The following FGD5 variants were observed in gnomAD, a reference collection of about 807,000 sequenced individuals.
FGD5 encodes the protein FYVE, RhoGEF and PH domain-containing protein 5.
In FGD5, 28 loss-of-function variants were observed where a neutral mutation model predicts 133.4. The ratio of observed to expected loss-of-function variants is 0.21; its 90% CI spans 0.16 to 0.29. The LOEUF (loss-of-function observed/expected upper bound fraction) is 0.29. FGD5 is among the 10% of genes least tolerant of loss of function. The pLI is 1.00. For missense variants in FGD5, 1,858 were observed against 1,895.2 expected (o/e 0.98, Z 0.36); for synonymous variants, 810 against 776.5 (o/e 1.04, Z -0.72).
At chr3:14,844,217 A>AAAAT (rs1559477363) in intron 1 of FGD5, among the ~76,000 whole-genome samples, 11 of 20,376 alleles carry the variant, frequency 5.4e-4, no homozygotes, top group African/African-American at 1.2e-3. Context: ...AAAAAAAAAA[A>AAAAT]ATATATATAT....
chr3:14,833,313 C>T lies in FGD5; in HGVS notation c.2525+11717C>T, dbSNP rs191531543. Among the ~76,000 whole-genome samples, 422 of 152,224 alleles carry T rather than the reference C, an allele frequency of 2.8e-3. 5 individuals carry two copies. The highest frequency in any genetic ancestry group is 1.6e-3 in the Non-Finnish European group (108 of 68,020). On this transcript the variant is annotated intron_variant, in intron 1 of 19. Coordinates refer to ENST00000285046, the MANE Select transcript of FGD5 (RefSeq NM_152536.4). ...CTGCATGCACAGGGTTGGGTTAGAG[C>T]CCTGGATAGGGCCCAAAATCTCCAG...
intron 1 of FGD5, among the ~76,000 whole-genome samples, chr3:14,840,421 A>G (rs2036898985): frequency 6.6e-6 from 1 of 152,192 alleles, no homozygotes; most frequent in Non-Finnish European, 1.5e-5. Flanking sequence ...CTGGGATTAC[A>G]AGCATGAGCC....
intron 1 of FGD5, among the ~76,000 whole-genome samples, chr3:14,836,096 G>A (rs563283484): frequency 6.6e-6 from 1 of 152,354 alleles, no homozygotes; most frequent in South Asian, 2.1e-4. Flanking sequence ...CTGCTGTGAA[G>A]CCTCCATGCC....
intron 6 of FGD5, 98 bp downstream of exon 6, chr3:14,898,193 G>C: frequency 6.7e-7 from 1 of 1,502,288 alleles, no homozygotes; most frequent in Admixed American, 1.7e-5. Flanking sequence ...TGGTAGGTGT[G>C]GGGCTGGGGA....
chr3:14,918,714 C>G (rs749570337), intron 12 of FGD5, 40 bp from the exon 13 acceptor site: 1 of 1,587,434 alleles, frequency 6.3e-7, no homozygotes, highest in Admixed American at 1.7e-5. Flanking sequence ...ACTTGCCCCT[C>G]CCTGCCCCAC....
chr3:14,864,559 A>G (rs2037458561), intron 2 of FGD5, among the ~76,000 whole-genome samples: 1 of 152,166 alleles, frequency 6.6e-6, no homozygotes, highest in Non-Finnish European at 1.5e-5. Flanking sequence ...TTGAATGAAG[A>G]CCAGCCTAGC....
chr3:14,838,560 C>T (rs1276818722), intron 1 of FGD5, among the ~76,000 whole-genome samples: 3 of 152,126 alleles, frequency 2.0e-5, no homozygotes, highest in Non-Finnish European at 4.4e-5. Flanking sequence ...CCCAAGGTCC[C>T]CAGAGGTCTC....
In FGD5 at chr3:14,819,358, C is replaced by T. The variant is rs1313217341; in HGVS notation, c.287C>T (p.Ala96Val). Residue 96 changes from alanine (A) to valine (V), a missense_variant, in exon 1 of 20, where the codon GCG becomes GTG. By Grantham distance (64) the Ala-to-Val change is moderately conservative. Around this residue, in one of 3 missense-constraint regions of FGD5, gnomAD observed 1,824 missense variants for 1,848.9 expected, o/e 0.99. Transcript: ENST00000285046. This position sits in a 1 kb window ranked among gnomAD's most constrained non-coding sequence, Gnocchi z 4.1. ...GCCCTGGTGTCTCCCGAGTCCTCTG[C>T]GGAAGAGGAAGAGGAGCGTGAAGAG... Reference protein sequence around the residue: ...NKALVSPESSAEEEEEREEGG... With the variant: ...NKALVSPESSVEEEEEREEGG... 16 of 1,547,276 alleles carry T rather than the reference C, an allele frequency of 1.0e-5. No individual in the cohort carries two copies. The highest frequency in any genetic ancestry group is 1.2e-5 in the Non-Finnish European group (14 of 1,145,208).
intron 4 of FGD5, among the ~76,000 whole-genome samples, chr3:14,894,203 C>T (rs1212358037): frequency 2.0e-5 from 3 of 152,180 alleles, no homozygotes; most frequent in Non-Finnish European, 2.9e-5. Flanking sequence ...TGGGAACATG[C>T]GATATTTGTC....
intron 1 of FGD5, among the ~76,000 whole-genome samples, chr3:14,829,086 G>T (rs1283387804): frequency 6.6e-6 from 1 of 152,048 alleles, no homozygotes; most frequent in Non-Finnish European, 1.5e-5. Context: ...GAGCCACTGC[G>T]CCCGGCCAAG....
In FGD5 at chr3:14,869,777, C is replaced by G. The variant is rs145897587; in HGVS notation, c.2658+5517C>G. Among the ~76,000 whole-genome samples, 302 of 152,280 alleles carry G rather than the reference C, an allele frequency of 2.0e-3. 1 individual carries two copies. The highest frequency in any genetic ancestry group is 6.8e-3 in the Middle Eastern group (2 of 294). ...CTGTAGCATGGGTTGGAATTCTTTC[C>G]CCTTTAATACTGAGTTTGATTCCGT... On this transcript the variant is annotated intron_variant, in intron 2 of 19. Transcript: ENST00000285046.
intron 13 of FGD5, among the ~76,000 whole-genome samples, 200 bp from the exon 14 acceptor site, chr3:14,921,718 A>G (rs2125154743): frequency 6.6e-6 from 1 of 152,294 alleles, no homozygotes; most frequent in Non-Finnish European, 1.5e-5. Context: ...GTAAGAAGAA[A>G]CAGACCCAAG....
In FGD5 at chr3:14,932,647, G is replaced by C. The variant is rs532445073; in HGVS notation, c.4268G>C (p.Ser1423Thr). Residue 1423 changes from serine to threonine, a missense_variant, in exon 19 of 20, where the codon AGT becomes ACT. Coordinates refer to ENST00000285046, the MANE Select transcript of FGD5 (RefSeq NM_152536.4). ...GCTCCAGAAAAGGAAGAGGGCAGCAGTGAAGTAGGACCTATTTTTCACCTT... is the reference window on the plus strand; with the variant it reads ...GCTCCAGAAAAGGAAGAGGGCAGCACTGAAGTAGGACCTATTTTTCACCTT... The part of the protein sequence containing the change: ...TIAPEKEEGS[S>T]EVGPIFHLYH... 3 of 1,614,040 alleles carry C rather than the reference G, an allele frequency of 1.9e-6. No individual in the cohort carries two copies. The East Asian group carries it at 6.7e-5, about 36-fold the overall frequency.
chr3:14,926,284 C>T (rs1164350188), intron 18 of FGD5, 86 bp downstream of exon 18: 5 of 1,551,502 alleles, frequency 3.2e-6, no homozygotes, highest in Non-Finnish European at 4.4e-6. Flanking sequence ...ACTTGCAAAG[C>T]TGTGTGAGTC....
At chr3:14,907,738 C>T (rs780096421) in intron 10 of FGD5, 27 bp downstream of exon 10, 2 of 1,609,902 alleles carry the variant, frequency 1.2e-6, no homozygotes, top group South Asian at 1.1e-5. Context: ...TGGGTAGGGG[C>T]AGAGGGTGGC....
chr3:14,845,231 A>C (rs754644544), intron 1 of FGD5, among the ~76,000 whole-genome samples: 14 of 152,196 alleles, frequency 9.2e-5, no homozygotes, highest in Non-Finnish European at 1.9e-4. Flanking sequence ...GGCTTAGTCT[A>C]GACAGCAGGA....
intron 1 of FGD5, among the ~76,000 whole-genome samples, chr3:14,853,977 CG>C (rs1442893883): frequency 1.3e-5 from 2 of 151,826 alleles, no homozygotes; most frequent in Non-Finnish European, 2.9e-5. Context: ...GGAGACTAGG[CG>C]GGGGGTTTAG....
chr3:14,860,532 C>G (rs1433012239), intron 1 of FGD5, among the ~76,000 whole-genome samples: 1 of 152,214 alleles, frequency 6.6e-6, no homozygotes, highest in East Asian at 1.9e-4. Context: ...GGGCCATCTG[C>G]ATGGGCTCCA....
intron 1 of FGD5, among the ~76,000 whole-genome samples, chr3:14,855,803 A>G (rs1007484566): frequency 9.2e-5 from 14 of 151,980 alleles, no homozygotes; most frequent in African/African-American, 3.4e-4. Context: ...TAGTTTGCAG[A>G]TATTTTCTCC....
Sources: gnomAD v4.1 joint callset for allele counts (sites outside exome capture counted in the v4.1 genomes callset) on GRCh38, gnomAD v4.1.1 for gene constraint, gnomAD v4.1.1 regional missense constraint, Gnocchi (gnomAD v3.1) non-coding constraint, MANE v1.5 for transcripts, NCBI Gene and HGNC (gene_info 2026-07-23, HGNC 2026-07-21) for gene names.